SNX24: variants seen among roughly 807,000 people sequenced by gnomAD.
SNX24 encodes the protein sorting nexin 24.
Under a neutral mutation model 28.7 loss-of-function variants are expected in SNX24, and 22 were observed. The observed-to-expected ratio is 0.77, with a 90% confidence interval of 0.55 to 1.10. The LOEUF is 1.10. Ranked by LOEUF, SNX24 falls within the 50% of genes least tolerant of loss-of-function variation. SNX24 has a pLI of 0.00. For missense variants in SNX24, 221 were observed against 201.1 expected, an observed-to-expected ratio of 1.10 and a Z score of -0.60; for synonymous variants, 69 against 71.5, an observed-to-expected ratio of 0.96 and a Z score of 0.18.
chr5:122,885,391 G>T (rs1201793505), intron 1 of SNX24, among the ~76,000 whole-genome samples: 2 of 152,048 alleles, frequency 1.3e-5, no homozygotes, highest in South Asian at 4.1e-4. Flanking sequence ...TGTGTTCCAC[G>T]GTCTTCCATC....
intron 3 of SNX24, among the ~76,000 whole-genome samples, chr5:122,953,749 TATATC>T (rs1349700845): frequency 6.6e-6 from 1 of 152,232 alleles, no homozygotes; most frequent in Non-Finnish European, 1.5e-5. Flanking sequence ...AGGTACATCT[TATATC>T]ACTTGAGAAT....
chr5:123,008,399 C>T lies in SNX24; in HGVS notation c.*650C>T, dbSNP rs1762485639. The T allele has an allele frequency of 1.7e-6, 1 of 601,966 alleles. No individual in the cohort carries two copies. The allele number at this position is 601,966 out of a possible 1,614,324, so 37.3% of individuals were successfully genotyped here. The stretch of plus-strand genomic sequence containing the variant: ...AAGGTCAGTACATAGGTAAAATGGG[C>T]TATTAGGATGATCCTTGAAAGCCCT... On this transcript the variant is annotated 3_prime_UTR_variant, in exon 7 of 7. Transcript: ENST00000261369.
intron 1 of SNX24, among the ~76,000 whole-genome samples, chr5:122,912,310 A>G (rs1757926514): frequency 6.8e-6 from 1 of 148,038 alleles, no homozygotes; most frequent in South Asian, 2.3e-4. Context: ...TGATTTTTGT[A>G]CATTGATTTT....
At chr5:122,984,490 G>T (rs573178384) in intron 3 of SNX24, among the ~76,000 whole-genome samples, 45 of 152,256 alleles carry the variant, frequency 3.0e-4, no homozygotes, top group Middle Eastern at 3.4e-3. Context: ...CTTGAAGTGG[G>T]CATCTGCTGT....
At chr5:122,913,287 C>T (rs750076575) in intron 1 of SNX24, among the ~76,000 whole-genome samples, 22 of 152,012 alleles carry the variant, frequency 1.4e-4, no homozygotes, top group Non-Finnish European at 2.2e-4. Context: ...CCAGTAGGGG[C>T]GGCCGGGCAG....
intron 1 of SNX24, among the ~76,000 whole-genome samples, chr5:122,906,171 T>C (rs534850579): frequency 1.3e-5 from 2 of 152,262 alleles, no homozygotes; most frequent in African/African-American, 4.8e-5. Context: ...GGTGGTAGTA[T>C]AGAGATTTGT....
chr5:122,884,285 G>A (rs144677814), intron 1 of SNX24, among the ~76,000 whole-genome samples: 1,141 of 112,518 alleles, frequency 0.01, 9 homozygotes, highest in East Asian at 0.075. Context: ...ACAGAGTCTC[G>A]CTGTTGCCTA....
chr5:122,878,112 A>G (rs1756312243), intron 1 of SNX24, among the ~76,000 whole-genome samples: 1 of 152,138 alleles, frequency 6.6e-6, no homozygotes, highest in Non-Finnish European at 1.5e-5. Flanking sequence ...CTTGAGTGAA[A>G]TTATTCCTAG....
chr5:122,888,501 T>A (rs977984496), intron 1 of SNX24, among the ~76,000 whole-genome samples: 3 of 152,220 alleles, frequency 2.0e-5, no homozygotes, highest in South Asian at 4.1e-4. Flanking sequence ...ATGATTTCAA[T>A]AAGTTATTGC....
At chr5:122,856,478 G>T (rs1173737432) in intron 1 of SNX24, among the ~76,000 whole-genome samples, 4 of 150,932 alleles carry the variant, frequency 2.7e-5, no homozygotes, top group Non-Finnish European at 5.9e-5. Flanking sequence ...TTTTCTTAGG[G>T]TATATAACCA....
intron 1 of SNX24, among the ~76,000 whole-genome samples, chr5:122,885,457 A>G (rs1030400196): frequency 3.3e-5 from 5 of 152,088 alleles, no homozygotes; most frequent in African/African-American, 1.2e-4. Context: ...CTTCTTTTGT[A>G]CATGCTTTGA....
At chr5:122,885,445 A>C (rs1756664030) in intron 1 of SNX24, among the ~76,000 whole-genome samples, 1 of 152,064 alleles carries the variant, frequency 6.6e-6, no homozygotes, top group Non-Finnish European at 1.5e-5. Context: ...CTTTTGTATC[A>C]TCTTCTTTTG....
chr5:122,913,451 A>G (rs958343663), intron 1 of SNX24, among the ~76,000 whole-genome samples: 1 of 146,860 alleles, frequency 6.8e-6, no homozygotes, highest in Non-Finnish European at 1.5e-5. Context: ...GCTGACCCCC[A>G]CCTCCCTTCC....
chr5:122,935,243 A>G (rs916348182), intron 1 of SNX24, among the ~76,000 whole-genome samples: 9 of 152,174 alleles, frequency 5.9e-5, no homozygotes, highest in African/African-American at 2.2e-4. Flanking sequence ...TCTGTAGCCT[A>G]TTAACCAAAC....
chr5:122,934,012 AC>A (rs1759079805), intron 1 of SNX24, among the ~76,000 whole-genome samples: 1 of 151,592 alleles, frequency 6.6e-6, no homozygotes, highest in South Asian at 2.1e-4. Context: ...TGAACTCCTG[AC>A]CTCAGGTGAT....
intron 1 of SNX24, among the ~76,000 whole-genome samples, chr5:122,907,397 C>T (rs1414234095): frequency 2.0e-5 from 3 of 152,126 alleles, no homozygotes; most frequent in African/African-American, 4.8e-5. Flanking sequence ...ACTCCCTCCT[C>T]AAGGGAGGAA....
intron 1 of SNX24, among the ~76,000 whole-genome samples, chr5:122,904,719 TA>T (rs1457151012): frequency 1.3e-5 from 2 of 152,194 alleles, no homozygotes; most frequent in Non-Finnish European, 2.9e-5. Flanking sequence ...AGTATGCTCT[TA>T]AAGTTAACTG....
chr5:122,947,788 G>T (rs1273432462), intron 3 of SNX24, among the ~76,000 whole-genome samples: 2 of 152,162 alleles, frequency 1.3e-5, no homozygotes, highest in Non-Finnish European at 2.9e-5. Context: ...ATTCTTATTT[G>T]TAAGCCAGAT....
At chr5:122,890,266 T>C (rs1049362530) in intron 1 of SNX24, among the ~76,000 whole-genome samples, 1 of 152,154 alleles carries the variant, frequency 6.6e-6, no homozygotes. Context: ...TATGATGGTT[T>C]TTTTTCCTTT....
Sources: allele counts gnomAD v4.1 joint callset (sites outside exome capture counted in the v4.1 genomes callset), GRCh38; gene constraint gnomAD v4.1.1; transcripts MANE v1.5; gene names NCBI Gene and HGNC (gene_info 2026-07-23, HGNC 2026-07-21).